Variants in PACSIN2 observed in about 807,000 individuals in gnomAD.
PACSIN2 encodes the protein protein kinase C and casein kinase substrate in neurons protein 2.
PACSIN2 carries 25 observed loss-of-function variants against 63.8 expected under a neutral mutation model. The ratio of observed to expected loss-of-function variants is 0.39; its 90% confidence interval spans 0.29 to 0.55. The LOEUF (loss-of-function observed/expected upper bound fraction) is 0.55, where lower values mean the gene tolerates loss of function less well. Among genes scored for constraint, PACSIN2 ranks in the 20% least tolerant of loss-of-function variants. The pLI, the probability that PACSIN2 is intolerant of heterozygous loss-of-function variation, is 0.62. For missense variants in PACSIN2, 518 were observed against 646.9 expected (o/e 0.80, Z 2.16); for synonymous variants, 255 against 256.2 (o/e 1.00, Z 0.05).
At chr22:42,975,212 C>T (rs1425035695) in intron 1 of PACSIN2, among the ~76,000 whole-genome samples, 1 of 152,184 alleles carries the variant, frequency 6.6e-6, no homozygotes, top group Admixed American at 6.5e-5. Context: ...GACGCTCCCA[C>T]CATATTCACC....
intron 1 of PACSIN2, among the ~76,000 whole-genome samples, chr22:42,960,561 G>GA (rs1463158275): frequency 1.3e-5 from 2 of 152,126 alleles, no homozygotes; most frequent in Admixed American, 6.5e-5. Context: ...TTAAAGTGAA[G>GA]AAAAAAACAA....
intron 1 of PACSIN2, among the ~76,000 whole-genome samples, chr22:42,921,329 ACCCT>A: frequency 1.3e-5 from 2 of 149,496 alleles, no homozygotes; most frequent in African/African-American, 2.5e-5. Context: ...ACTGTCGCCC[ACCCT>A]GGGCGACAGT....
chr22:42,999,602 A>C (rs886187343), intron 1 of PACSIN2, among the ~76,000 whole-genome samples: 1 of 152,122 alleles, frequency 6.6e-6, no homozygotes, highest in Non-Finnish European at 1.5e-5. Flanking sequence ...CGGGACGCGG[A>C]GGTTGCCGTG....
chr22:42,943,942 G>A (rs1237574448), intron 1 of PACSIN2, among the ~76,000 whole-genome samples: 1 of 152,240 alleles, frequency 6.6e-6, no homozygotes, highest in African/African-American at 2.4e-5. Context: ...GAGCTGATAT[G>A]AAGACAGAGG....
intron 1 of PACSIN2, among the ~76,000 whole-genome samples, chr22:42,957,906 CCT>C (rs1226072767): frequency 6.6e-6 from 1 of 152,022 alleles, no homozygotes; most frequent in African/African-American, 2.4e-5. Flanking sequence ...CTGTCTCTCC[CCT>C]GAGCTAGGGG....
intron 1 of PACSIN2, among the ~76,000 whole-genome samples, chr22:42,975,728 C>A (rs1261899199): frequency 6.6e-6 from 1 of 150,672 alleles, no homozygotes; most frequent in Non-Finnish European, 1.5e-5. Context: ...GGAGCACCCA[C>A]TAGGAGTTTC....
At chr22:42,938,430 G>A (rs539967146) in intron 1 of PACSIN2, among the ~76,000 whole-genome samples, 51 of 152,328 alleles carry the variant, frequency 3.3e-4, no homozygotes, top group Non-Finnish European at 1.2e-4. Flanking sequence ...TCAGAAAGAA[G>A]CCTGACCTTC....
chr22:42,935,396 C>T (rs1437801456), intron 1 of PACSIN2, among the ~76,000 whole-genome samples: 2 of 152,112 alleles, frequency 1.3e-5, no homozygotes, highest in South Asian at 4.2e-4. Context: ...CACAGACTGC[C>T]CCTCTTCCAC....
chr22:42,913,503 A>G (rs8136156), intron 1 of PACSIN2, among the ~76,000 whole-genome samples: 39,356 of 129,402 alleles, frequency 0.3, 6,997 homozygotes, highest in Non-Finnish European at 0.4. Flanking sequence ...AAAAAAAAAA[A>G]AGAGAGACAC....
chr22:42,912,051 T>TC lies in PACSIN2; in HGVS notation c.29dup (p.Val11SerfsTer37). On this transcript the variant is annotated frameshift_variant, in exon 2 of 11. Coordinates refer to ENST00000263246, the MANE Select transcript of PACSIN2 (RefSeq NM_001184970.3). LOFTEE classifies it high-confidence loss of function. The stretch of plus-strand genomic sequence containing the variant: ...AGAAGCTGTCGCTGGACACTTCTAC[T>TC]CCAACGGAATCATCATATGTGACAG... The TC allele has an allele frequency of 6.2e-7, 1 of 1,605,008 alleles. No individual in the cohort carries two copies. The highest frequency in any genetic ancestry group is 8.5e-7 in the Non-Finnish European group (1 of 1,176,838).
rs984476441 is a variant in PACSIN2 at position 42,869,807 on chromosome 22, C to G, written c.*1550G>C. On this transcript the variant is annotated 3_prime_UTR_variant, in exon 11 of 11. Coordinates refer to ENST00000263246, the MANE Select transcript of PACSIN2 (RefSeq NM_001184970.3). Reference sequence around the variant, plus strand: ...TCAACTGTTTATTGATTTTTTTCCTCAAATACTACACATGTAAAGGAACTG... The same window carrying G: ...TCAACTGTTTATTGATTTTTTTCCTGAAATACTACACATGTAAAGGAACTG... 7.2e-5 allele frequency: 11 copies of G among 152,248 alleles called. No individual in the cohort carries two copies. The highest frequency in any genetic ancestry group is 2.7e-4 in the African/African-American group (11 of 41,444). 9.4% of individuals were successfully genotyped at this position (152,248 alleles called of 1,614,324 possible).
At chr22:42,988,225 A>C (rs1451526282) in intron 1 of PACSIN2, among the ~76,000 whole-genome samples, 1 of 151,706 alleles carries the variant, frequency 6.6e-6, no homozygotes, top group Non-Finnish European at 1.5e-5. Flanking sequence ...CCCAGGCACC[A>C]AAGACAAGGA....
chr22:42,890,037 CTG>C (rs1929791113), intron 4 of PACSIN2, among the ~76,000 whole-genome samples: 1 of 148,370 alleles, frequency 6.7e-6, no homozygotes, highest in African/African-American at 2.5e-5. Context: ...GAGTCTCCCT[CTG>C]TCACCAGGCT....
chr22:43,006,084 C>CTGT (rs1353220617), intron 1 of PACSIN2, among the ~76,000 whole-genome samples: 1 of 152,128 alleles, frequency 6.6e-6, no homozygotes, highest in Non-Finnish European at 1.5e-5. Context: ...TAAGCCACTG[C>CTGT]ACTCAGCCAC....
chr22:42,998,409 G>A (rs1357327469), intron 1 of PACSIN2, among the ~76,000 whole-genome samples: 1 of 152,162 alleles, frequency 6.6e-6, no homozygotes, highest in Admixed American at 6.5e-5. Context: ...CCTGACGCAT[G>A]ACTCGCACAG....
intron 1 of PACSIN2, among the ~76,000 whole-genome samples, chr22:42,945,174 G>A (rs1287024701): frequency 2.0e-5 from 3 of 151,950 alleles, no homozygotes; most frequent in Non-Finnish European, 4.4e-5. Context: ...GCTCAAATGA[G>A]TCTGCACAGT....
intron 5 of PACSIN2, among the ~76,000 whole-genome samples, chr22:42,886,435 G>A (rs910229472): frequency 7.4e-6 from 1 of 134,304 alleles, no homozygotes; most frequent in African/African-American, 2.5e-5. Flanking sequence ...TAGGTAGGTA[G>A]GTAGGTAGGT....
chr22:42,983,698 G>T (rs1434053876), intron 1 of PACSIN2, among the ~76,000 whole-genome samples: 1 of 152,182 alleles, frequency 6.6e-6, no homozygotes, highest in Non-Finnish European at 1.5e-5. Context: ...CTGGGCTTAA[G>T]CCATCCTCCC....
chr22:42,928,948 A>T (rs1284312722), intron 1 of PACSIN2, among the ~76,000 whole-genome samples: 3 of 152,260 alleles, frequency 2.0e-5, no homozygotes, highest in African/African-American at 7.2e-5. Flanking sequence ...TGAAAAGAAG[A>T]GAGTGGGATT....
Sources: allele counts gnomAD v4.1 joint callset (sites outside exome capture counted in the v4.1 genomes callset), GRCh38; gene constraint gnomAD v4.1.1; transcripts MANE v1.5; gene names NCBI Gene and HGNC (gene_info 2026-07-23, HGNC 2026-07-21).